MPHOSPH6: variants seen among roughly 807,000 people sequenced by gnomAD.
MPHOSPH6 encodes M-phase phosphoprotein 6.
A neutral mutation model predicts 21.8 loss-of-function variants in MPHOSPH6; 25 were observed. The observed-to-expected ratio is 1.15, with a 90% CI of 0.83 to 1.60. The LOEUF is 1.60. MPHOSPH6 is among the 40% of genes most tolerant of loss of function. The pLI, the probability that MPHOSPH6 is intolerant of heterozygous loss-of-function variation, is 0.00. For missense variants in MPHOSPH6, 269 were observed against 181.8 expected, an observed-to-expected ratio of 1.48 and a Z score of -2.76; for synonymous variants, 84 against 56.5, an observed-to-expected ratio of 1.49 and a Z score of -2.18.
intron 2 of MPHOSPH6, among the ~76,000 whole-genome samples, chr16:82,155,803 G>A (rs1210791338): frequency 6.6e-6 from 1 of 152,066 alleles, no homozygotes; most frequent in Non-Finnish European, 1.5e-5. Context: ...TACTCAGGAG[G>A]CTGGGGCAGG....
chr16:82,161,271 G>T (rs1906598722), intron 2 of MPHOSPH6, among the ~76,000 whole-genome samples: 1 of 152,152 alleles, frequency 6.6e-6, no homozygotes, highest in Non-Finnish European at 1.5e-5. Flanking sequence ...AAAGGCTATT[G>T]TCCCTCCCCT....
Position 82,164,119 on chromosome 16 carries a change from G to C in MPHOSPH6, c.127C>G (p.His43Asp), listed in dbSNP as rs143336014. 9 of 1,612,790 alleles carry C rather than the reference G, an allele frequency of 5.6e-6. No homozygotes were observed. The highest frequency in any genetic ancestry group is 6.8e-6 in the Non-Finnish European group (8 of 1,179,804). Residue 43 changes from histidine to aspartate, a missense_variant, in exon 2 of 5, where the codon CAC becomes GAC. Coordinates refer to ENST00000258169, the MANE Select transcript of MPHOSPH6 (RefSeq NM_005792.2). Reference protein sequence around the residue: ...EEEKKIISEEHWYLDLPELKE... With the variant: ...EEEKKIISEEDWYLDLPELKE... ...AGCTCTGGCAAATCCAAGTACCAGT[G>C]CTCTTCACTAATGATTTTCTTTTCT...
intron 2 of MPHOSPH6, among the ~76,000 whole-genome samples, chr16:82,155,696 G>A (rs1906406057): frequency 6.6e-6 from 1 of 152,150 alleles, no homozygotes; most frequent in Admixed American, 6.5e-5. Context: ...TTGAGGTCAG[G>A]AGTTCAAGAT....
At chr16:82,169,406 G>T (rs569973358) in intron 1 of MPHOSPH6, among the ~76,000 whole-genome samples, 4 of 152,228 alleles carry the variant, frequency 2.6e-5, no homozygotes, top group African/African-American at 7.2e-5. Context: ...AGACTACCCT[G>T]CGAGACTCAC....
intron 3 of MPHOSPH6, among the ~76,000 whole-genome samples, chr16:82,150,695 T>A (rs540520337): frequency 5.9e-5 from 9 of 152,210 alleles, no homozygotes; most frequent in African/African-American, 2.2e-4. Flanking sequence ...GACAGGGATG[T>A]GGTTCGTCAT....
chr16:82,149,633 A>T (rs1906199138), intron 3 of MPHOSPH6, among the ~76,000 whole-genome samples: 1 of 152,240 alleles, frequency 6.6e-6, no homozygotes. Flanking sequence ...GGGTGAATTT[A>T]AAGTGTATTT....
In MPHOSPH6 at chr16:82,170,112, A is replaced by G; in HGVS notation, c.51+13T>C. 6.3e-7 allele frequency: 1 copy of G among 1,588,546 alleles called. No homozygotes were observed. On this transcript the variant is annotated intron_variant, in intron 1 of 4. Coordinates refer to ENST00000258169, the MANE Select transcript of MPHOSPH6 (RefSeq NM_005792.2). ...CCCTACCGCCCGGAGTGGCGCTCTC[A>G]GCGTCCCCGCACCTTCATGCGCAGT...
rs1451341217 is a variant in MPHOSPH6, at chr16:82,148,475, C to A, written c.*256G>T. The A allele has an allele frequency of 1.7e-5, 6 of 343,178 alleles. No individual in the cohort carries two copies. Among genetic ancestry groups the A allele is most frequent in the Non-Finnish European group, 2.6e-5 (5 of 194,812 alleles). The allele number at this position is 343,178 out of a possible 1,614,324, so 21.3% of individuals were successfully genotyped here. A position where few individuals can be genotyped will look rare whatever the true frequency, so the allele number is the denominator to read the frequency against. ...AAGAGAAACCTGAGGTAAAAAAAATCTTTAGGAAGCAGCCCTGTAACAATG... is the reference window on the plus strand; with the variant it reads ...AAGAGAAACCTGAGGTAAAAAAAATATTTAGGAAGCAGCCCTGTAACAATG... On this transcript the variant is annotated 3_prime_UTR_variant, in exon 5 of 5. Coordinates refer to ENST00000258169, the MANE Select transcript of MPHOSPH6 (RefSeq NM_005792.2).
intron 2 of MPHOSPH6, among the ~76,000 whole-genome samples, chr16:82,154,998 T>C (rs1379771322): frequency 1.3e-5 from 2 of 152,238 alleles, no homozygotes; most frequent in African/African-American, 4.8e-5. Flanking sequence ...TTAAAAATTT[T>C]AAATGTTACA....
At chr16:82,158,024 C>T (rs1314679514) in intron 2 of MPHOSPH6, among the ~76,000 whole-genome samples, 1 of 152,110 alleles carries the variant, frequency 6.6e-6, no homozygotes, top group African/African-American at 2.4e-5. Context: ...GCAGTGATAC[C>T]AGACTACCCT....
At chr16:82,154,922 C>G (rs1035023918) in intron 2 of MPHOSPH6, among the ~76,000 whole-genome samples, 1 of 152,118 alleles carries the variant, frequency 6.6e-6, no homozygotes, top group East Asian at 1.9e-4. Context: ...TACAATAACT[C>G]TACAGTCTAA....
At chr16:82,163,537 A>G (rs562774421) in intron 2 of MPHOSPH6, among the ~76,000 whole-genome samples, 1 of 152,344 alleles carries the variant, frequency 6.6e-6, no homozygotes, top group African/African-American at 2.4e-5. Flanking sequence ...GAATCATAGG[A>G]GGCAGTTCCT....
intron 2 of MPHOSPH6, among the ~76,000 whole-genome samples, chr16:82,160,769 G>C (rs1249887836): frequency 6.6e-6 from 1 of 152,182 alleles, no homozygotes; most frequent in African/African-American, 2.4e-5. Context: ...TTGCTGTACA[G>C]TAAGTCCTTT....
chr16:82,170,038 CT>C, intron 1 of MPHOSPH6, 86 bp downstream of exon 1: 2 of 1,449,466 alleles, frequency 1.4e-6, no homozygotes, highest in Non-Finnish European at 1.9e-6. Flanking sequence ...TCTGGTGTCC[CT>C]TGTCCGCCCG....
chr16:82,157,670 A>T (rs1442691478), intron 2 of MPHOSPH6, among the ~76,000 whole-genome samples: 1 of 149,654 alleles, frequency 6.7e-6, no homozygotes. Flanking sequence ...GGAGATACTG[A>T]GGGCAGACTA....
chr16:82,168,709 C>A (rs1399866668), intron 1 of MPHOSPH6, among the ~76,000 whole-genome samples: 1 of 152,108 alleles, frequency 6.6e-6, no homozygotes, highest in Non-Finnish European at 1.5e-5. Flanking sequence ...TGGGCTTAAG[C>A]GATTTGTCTA....
chr16:82,149,166 A>AT, intron 4 of MPHOSPH6, 143 bp downstream of exon 4: 1 of 911,946 alleles, frequency 1.1e-6, no homozygotes, highest in South Asian at 1.5e-5. Context: ...CCCGTAGGCC[A>AT]TTAAGAGAAG....
intron 2 of MPHOSPH6, among the ~76,000 whole-genome samples, chr16:82,158,748 A>G (rs1376576106): frequency 6.6e-6 from 1 of 152,196 alleles, no homozygotes; most frequent in Non-Finnish European, 1.5e-5. Flanking sequence ...CAAAAGTTAG[A>G]ATTCCGAATA....
At chr16:82,163,770 A>G (rs1416819814) in intron 2 of MPHOSPH6, 3 of 214,364 alleles carry the variant, frequency 1.4e-5, no homozygotes, top group African/African-American at 7.0e-5. Flanking sequence ...CCTAATCTTT[A>G]GAACTTAAGG....
Sources: gnomAD v4.1 joint callset for allele counts (sites outside exome capture counted in the v4.1 genomes callset) on GRCh38, gnomAD v4.1.1 for gene constraint, MANE v1.5 for transcripts, NCBI Gene and HGNC (gene_info 2026-07-23, HGNC 2026-07-21) for gene names.